Variants in SYT1 observed in about 807,000 individuals in gnomAD.
SYT1 encodes synaptotagmin 1.
Under a neutral mutation model 44.8 loss-of-function variants are expected in SYT1, and 8 were observed. The ratio of observed to expected loss-of-function variants is 0.18; its 90% CI spans 0.10 to 0.32. The LOEUF (loss-of-function observed/expected upper bound fraction) is 0.32, where lower values mean the gene tolerates loss of function less well. Among genes scored for constraint, SYT1 ranks in the 10% least tolerant of loss-of-function variants. The pLI is 1.00. For missense variants in SYT1, 286 were observed against 509.3 expected (o/e 0.56, Z 4.22); for synonymous variants, 154 against 188.8 (o/e 0.82, Z 1.51).
At chr12:79,142,836 C>G (rs1347002075) in intron 3 of SYT1, among the ~76,000 whole-genome samples, 1 of 152,114 alleles carries the variant, frequency 6.6e-6, no homozygotes, top group Admixed American at 6.5e-5. Flanking sequence ...TGTTCTGAAC[C>G]AGAGAATAGT....
intron 9 of SYT1, 125 bp downstream of exon 9, chr12:79,353,744 G>C: frequency 1.3e-6 from 1 of 744,902 alleles, no homozygotes. Context: ...ATGGAGCCTG[G>C]AAGCAGTCTC....
intron 1 of SYT1, among the ~76,000 whole-genome samples, chr12:78,918,199 A>C (rs758662461): frequency 1.3e-5 from 2 of 152,110 alleles, no homozygotes; most frequent in Admixed American, 1.3e-4. Context: ...TAACTTTTCT[A>C]TTAAGATTTG....
At chr12:78,967,290 T>C (rs1177360244) in intron 1 of SYT1, among the ~76,000 whole-genome samples, 1 of 152,152 alleles carries the variant, frequency 6.6e-6, no homozygotes, top group East Asian at 1.9e-4. Context: ...TTAATAGCAA[T>C]ATAAACTGCT....
intron 3 of SYT1, among the ~76,000 whole-genome samples, chr12:79,097,642 G>C (rs1411911980): frequency 6.6e-6 from 1 of 151,940 alleles, no homozygotes; most frequent in African/African-American, 2.4e-5. Flanking sequence ...CTAAGATTTT[G>C]TCAAATGAGG....
intron 1 of SYT1, among the ~76,000 whole-genome samples, chr12:78,917,265 A>G (rs1324434284): frequency 2.6e-5 from 4 of 151,986 alleles, no homozygotes; most frequent in Admixed American, 6.6e-5. Flanking sequence ...ATCCTCCTAC[A>G]TCGTCTCTGC....
At chr12:79,099,218 T>C (rs550519050) in intron 3 of SYT1, among the ~76,000 whole-genome samples, 2 of 152,094 alleles carry the variant, frequency 1.3e-5, no homozygotes, top group Non-Finnish European at 2.9e-5. Flanking sequence ...TCCCCTGATG[T>C]CACTAAATAC....
intron 4 of SYT1, among the ~76,000 whole-genome samples, chr12:79,242,964 T>G (rs901570015): frequency 2.6e-5 from 4 of 152,232 alleles, no homozygotes; most frequent in African/African-American, 9.6e-5. Context: ...CAGTACCATA[T>G]GGCTGGAGAA....
chr12:79,182,469 C>T (rs1435818569), intron 3 of SYT1, among the ~76,000 whole-genome samples: 1 of 151,976 alleles, frequency 6.6e-6, no homozygotes, highest in Non-Finnish European at 1.5e-5. Flanking sequence ...AGTTGAGGAC[C>T]ATCCATGAGA....
chr12:79,371,761 C>T (rs1345903405), intron 9 of SYT1, among the ~76,000 whole-genome samples: 3 of 152,160 alleles, frequency 2.0e-5, no homozygotes, highest in Non-Finnish European at 4.4e-5. Flanking sequence ...AGAAGTCATG[C>T]CTCAGAGGTT....
At position 79,416,288 on chromosome 12, in the gene SYT1, G is replaced by C. The variant is rs146586446; in HGVS notation, c.929-27785G>C. Among the ~76,000 whole-genome samples, 199 of 152,254 alleles carry C rather than the reference G, an allele frequency of 1.3e-3. 4 individuals carry two copies. The East Asian group carries it at 0.03, about 23-fold the overall frequency. On this transcript the variant is annotated intron_variant, in intron 9 of 10. Coordinates refer to ENST00000261205, the MANE Select transcript of SYT1 (RefSeq NM_005639.3). ...CAGTCATATGATCATGAAACAAAAG[G>C]TATGGTAGATATTTGCCTGGAAGTC...
intron 3 of SYT1, among the ~76,000 whole-genome samples, chr12:79,099,974 A>C (rs1263770639): frequency 6.6e-6 from 1 of 152,156 alleles, no homozygotes; most frequent in African/African-American, 2.4e-5. Flanking sequence ...TTGCCATAGA[A>C]ATTTCTGAAG....
intron 9 of SYT1, among the ~76,000 whole-genome samples, chr12:79,354,208 G>A (rs1406046452): frequency 6.6e-6 from 1 of 152,154 alleles, no homozygotes; most frequent in Non-Finnish European, 1.5e-5. Flanking sequence ...AAACGTGGTG[G>A]ATAAAGTATA....
chr12:79,347,432 C>G (rs993747301), intron 8 of SYT1, among the ~76,000 whole-genome samples: 2 of 152,122 alleles, frequency 1.3e-5, no homozygotes, highest in African/African-American at 4.8e-5. Flanking sequence ...AGAACTCTCC[C>G]AGCTCCAGAG....
chr12:79,375,890 T>G lies in SYT1; in HGVS notation c.928+22271T>G, dbSNP rs138074818. Among the ~76,000 whole-genome samples, 669 of 152,182 alleles carry G rather than the reference T, an allele frequency of 4.4e-3. 3 individuals are homozygous for G. The highest frequency in any genetic ancestry group is 0.014 in the African/African-American group (599 of 41,526). ...CAACTCACAATGATAAAGCCAACCA[T>G]CTCCCACCTTGTAGTTCTATCACTA... On this transcript the variant is annotated intron_variant, in intron 9 of 10. Transcript: ENST00000261205.
At chr12:79,069,510 C>CG (rs1876118444) in intron 3 of SYT1, among the ~76,000 whole-genome samples, 2 of 151,210 alleles carry the variant, frequency 1.3e-5, no homozygotes, top group African/African-American at 4.9e-5. Flanking sequence ...TGTTGAGACT[C>CG]TAAGTGATTT....
intron 9 of SYT1, among the ~76,000 whole-genome samples, chr12:79,425,439 C>T (rs1026165974): frequency 1.3e-5 from 2 of 152,104 alleles, no homozygotes; most frequent in Non-Finnish European, 2.9e-5. Context: ...TTCCACAGAA[C>T]ATTTTGGGTT....
At chr12:79,357,757 A>G (rs1184540766) in intron 9 of SYT1, among the ~76,000 whole-genome samples, 6 of 152,154 alleles carry the variant, frequency 3.9e-5, no homozygotes, top group Non-Finnish European at 8.8e-5. Context: ...TTTTTGCCTT[A>G]TACGTGGAGA....
chr12:79,353,818 A>G (rs1306938812), intron 9 of SYT1, among the ~76,000 whole-genome samples, 199 bp downstream of exon 9: 2 of 152,184 alleles, frequency 1.3e-5, no homozygotes, highest in African/African-American at 2.4e-5. Flanking sequence ...AGCATAGAAG[A>G]TGAAATCTAT....
At chr12:78,955,738 T>C (rs1879175789) in intron 1 of SYT1, among the ~76,000 whole-genome samples, 1 of 151,912 alleles carries the variant, frequency 6.6e-6, no homozygotes, top group Non-Finnish European at 1.5e-5. Context: ...AAAGAAACTT[T>C]TTTTTTTGCC....
Sources: gnomAD v4.1 joint callset for allele counts (sites outside exome capture counted in the v4.1 genomes callset) on GRCh38, gnomAD v4.1.1 for gene constraint, MANE v1.5 for transcripts, NCBI Gene and HGNC (gene_info 2026-07-23, HGNC 2026-07-21) for gene names.